The following AKT1 variants were observed in gnomAD, a reference collection of about 807,000 sequenced individuals.
AKT1 encodes AKT serine/threonine kinase 1, also known as RAC-alpha serine/threonine-protein kinase.
Under a neutral mutation model 63.1 loss-of-function variants are expected in AKT1, and 21 were observed. That is an observed-to-expected ratio of 0.33 (90% CI 0.24 to 0.48). AKT1 has a LOEUF of 0.48. Among genes scored for constraint, AKT1 ranks in the 20% least tolerant of loss-of-function variants. AKT1 has a pLI of 0.99. For synonymous variants in AKT1, 257 were observed against 253.1 expected (o/e 1.02, Z -0.15); for missense variants, 382 against 666.0 (o/e 0.57, Z 4.69).
chr14:104,793,690 A>C (rs1893742719), intron 1 of AKT1: 1 of 163,878 alleles, frequency 6.1e-6, no homozygotes, highest in South Asian at 2.0e-4. Flanking sequence ...ACCTGAGCAC[A>C]CTTTATCCAT....
In AKT1 at chr14:104,793,259, C is replaced by T. The variant is rs1381481270; in HGVS notation, c.-212G>A. On this transcript the variant is annotated 5_prime_UTR_variant, in exon 2 of 15. Transcript: ENST00000649815. ...CTCTCCCTGTCCATGGTGTTCCTAC[C>T]CATGGATCCTGGGACAGGGCACAGG... The T allele has an allele frequency of 5.5e-6, 1 of 182,654 alleles. No individual in the cohort carries two copies. Among genetic ancestry groups the T allele is most frequent in the East Asian group, 9.1e-5 (1 of 11,024 alleles). The allele number at this position is 182,654 out of a possible 1,614,324, so 11.3% of individuals were successfully genotyped here.
intron 3 of AKT1, among the ~76,000 whole-genome samples, chr14:104,791,899 G>A (rs1439681748): frequency 2.6e-5 from 4 of 152,240 alleles, no homozygotes; most frequent in African/African-American, 9.6e-5. Flanking sequence ...GCAGGACAGA[G>A]GAGCAAAACA....
chr14:104,790,318 G>A (rs1403091675), intron 3 of AKT1, among the ~76,000 whole-genome samples: 1 of 152,174 alleles, frequency 6.6e-6, no homozygotes, highest in Non-Finnish European at 1.5e-5. Flanking sequence ...GGCTGCGGCC[G>A]GGCCTGGAGG....
chr14:104,774,119 C>G, intron 8 of AKT1, 139 bp from the exon 9 acceptor site: 1 of 765,418 alleles, frequency 1.3e-6, no homozygotes, highest in Non-Finnish European at 2.2e-6. Flanking sequence ...TGCCCGACAC[C>G]ACGCTGCCTG....
intron 3 of AKT1, among the ~76,000 whole-genome samples, chr14:104,784,760 C>G (rs1330788060): frequency 6.6e-6 from 1 of 152,174 alleles, no homozygotes; most frequent in African/African-American, 2.4e-5. Flanking sequence ...TCAGGCCCCC[C>G]AAAGCGGCAC....
In AKT1 at chr14:104,792,658, C is replaced by G. The variant is rs1478846012; in HGVS notation, c.-15G>C. The stretch of plus-strand genomic sequence containing the variant: ...ACGTCGCTCATGGTGCCCGAGGCTC[C>G]CGCGACGCTCACGCGCTCCTCTCAG... On this transcript the variant is annotated 5_prime_UTR_variant, in exon 3 of 15. Coordinates refer to ENST00000649815, the MANE Select transcript of AKT1 (RefSeq NM_001382430.1). 1 of 1,608,894 alleles carries G rather than the reference C, an allele frequency of 6.2e-7. No individual in the cohort carries two copies. The highest frequency in any genetic ancestry group is 8.5e-7 in the Non-Finnish European group (1 of 1,179,862).
chr14:104,769,620 C>A lies in AKT1; in HGVS notation c.*721G>T, dbSNP rs1452636920. ...GGGGAGGCTCCCGGTGGGACAGTCA[C>A]CAAGAACTGTGACACAGAAGGGGAA... On this transcript the variant is annotated 3_prime_UTR_variant, in exon 15 of 15. Transcript: ENST00000649815. The A allele has an allele frequency of 5.8e-6, 3 of 521,280 alleles. No individual in the cohort carries two copies. The highest frequency in any genetic ancestry group is 2.4e-5 in the Admixed American group (1 of 41,410). The allele number at this position is 521,280 out of a possible 1,614,324, so 32.3% of individuals were successfully genotyped here. A position where few individuals can be genotyped will look rare whatever the true frequency, so the allele number is the denominator to read the frequency against.
chr14:104,794,729 C>G (rs1893801395), intron 1 of AKT1, among the ~76,000 whole-genome samples: 1 of 152,182 alleles, frequency 6.6e-6, no homozygotes, highest in Admixed American at 6.5e-5. Context: ...GGAGCAAGGC[C>G]GAGAGACCCA....
intron 4 of AKT1, chr14:104,776,992 C>T (rs1892753431): frequency 1.9e-6 from 1 of 520,998 alleles, no homozygotes; most frequent in South Asian, 2.2e-5. Flanking sequence ...GGCAGCCACA[C>T]AGGGCATCTG....
intron 5 of AKT1, 191 bp from the exon 6 acceptor site, chr14:104,775,990 G>A: frequency 1.6e-6 from 1 of 637,946 alleles, no homozygotes; most frequent in Admixed American, 3.1e-5. Context: ...CTTGGACGTG[G>A]GGGACACCCA....
At chr14:104,783,288 TGTG>T (rs1045744820) in intron 3 of AKT1, among the ~76,000 whole-genome samples, 4 of 152,118 alleles carry the variant, frequency 2.6e-5, no homozygotes, top group Non-Finnish European at 4.4e-5. Flanking sequence ...CCCACCCTGT[TGTG>T]GTCCTCAGAT....
chr14:104,774,166 CACACCCCATCACACTGCCCCACACCAT>C (rs200775205), intron 8 of AKT1, 186 bp from the exon 9 acceptor site: 24,997 of 616,122 alleles, frequency 0.041, 1,417 homozygotes, highest in African/African-American at 0.2. Context: ...CCCCACACCA[CACACCCCATCACACTGCCCCACACCAT>C]ACACCCCCAC....
chr14:104,769,508 C>G lies in AKT1; in HGVS notation c.*833G>C. The stretch of plus-strand genomic sequence containing the variant: ...TGGAGGGGCCCAGGGATGGCCACCC[C>G]CACAGGGAGTCAGGGAGGGCCTGGG... On this transcript the variant is annotated 3_prime_UTR_variant, in exon 15 of 15. Transcript: ENST00000649815. 1 of 531,758 alleles carries G rather than the reference C, an allele frequency of 1.9e-6. No individual in the cohort carries two copies. Among genetic ancestry groups the G allele is most frequent in the Non-Finnish European group, 3.6e-6 (1 of 274,998 alleles). 32.9% of individuals were successfully genotyped at this position (531,758 alleles called of 1,614,324 possible).
intron 14 of AKT1, 141 bp downstream of exon 14, chr14:104,770,604 C>T: frequency 2.1e-6 from 2 of 952,126 alleles, no homozygotes; most frequent in South Asian, 3.3e-5. Context: ...GCCTCCCACC[C>T]TGATCATTGG....
At chr14:104,773,215 C>T (rs779060318) in intron 11 of AKT1, 36 bp downstream of exon 11, 25 of 1,613,406 alleles carry the variant, frequency 1.5e-5, no homozygotes, top group Middle Eastern at 3.3e-4. Flanking sequence ...GACGTGGGGA[C>T]GCAGCAACGC....
Position 104,792,578 on chromosome 14 carries a change from C to G in AKT1, c.46+20G>C, listed in dbSNP as rs1893683680. The G allele has an allele frequency of 4.3e-6, 7 of 1,611,706 alleles. No homozygotes were observed. In the East Asian group the frequency reaches 1.6e-4, roughly 36 times the overall value. ...CCCATCTCTCCCTCCCCAGGCCCAG[C>G]CCTGGCAGCGGGTACTAACCTCGTT... On this transcript the variant is annotated intron_variant, in intron 3 of 14. Transcript: ENST00000649815.
intron 3 of AKT1, among the ~76,000 whole-genome samples, chr14:104,790,069 C>T (rs1205677040): frequency 6.6e-6 from 1 of 152,216 alleles, no homozygotes; most frequent in Non-Finnish European, 1.5e-5. Flanking sequence ...ACAGGGCATA[C>T]CCGTCCCCTC....
At chr14:104,791,844 G>A (rs1189546487) in intron 3 of AKT1, among the ~76,000 whole-genome samples, 1 of 152,238 alleles carries the variant, frequency 6.6e-6, no homozygotes, top group Non-Finnish European at 1.5e-5. Context: ...GCAGAAGAGA[G>A]TGACTTGGCC....
At chr14:104,771,055 C>A in intron 13 of AKT1, 1 of 573,454 alleles carries the variant, frequency 1.7e-6, no homozygotes, top group Non-Finnish European at 3.1e-6. Context: ...AGACAACCCT[C>A]AACAGCTGAG....
Sources: allele counts gnomAD v4.1 joint callset (sites outside exome capture counted in the v4.1 genomes callset), GRCh38; gene constraint gnomAD v4.1.1; transcripts MANE v1.5; gene names NCBI Gene and HGNC (gene_info 2026-07-23, HGNC 2026-07-21).